Variants in NKAIN2 observed in about 807,000 individuals in gnomAD.
NKAIN2 encodes sodium/potassium transporting ATPase interacting 2, also known as sodium/potassium-transporting ATPase subunit beta-1-interacting protein 2.
Under a neutral mutation model 32.6 loss-of-function variants are expected in NKAIN2, and 14 were observed. The observed-to-expected ratio is 0.43, with a 90% CI of 0.28 to 0.67. The LOEUF (loss-of-function observed/expected upper bound fraction) is 0.67, where lower values mean the gene tolerates loss of function less well. Among genes scored for constraint, NKAIN2 ranks in the 30% least tolerant of loss-of-function variants. The pLI is 0.17. For missense variants in NKAIN2, 198 were observed against 258.3 expected (o/e 0.77, Z 1.60); for synonymous variants, 80 against 87.2 (o/e 0.92, Z 0.46).
intron 2 of NKAIN2, among the ~76,000 whole-genome samples, chr6:124,299,610 C>T (rs747537849): frequency 1.3e-5 from 2 of 152,024 alleles, no homozygotes; most frequent in South Asian, 2.1e-4. Context: ...AAAATAACAT[C>T]GTCATAGATA....
At chr6:123,837,291 C>T (rs1210685573) in intron 1 of NKAIN2, among the ~76,000 whole-genome samples, 1 of 151,930 alleles carries the variant, frequency 6.6e-6, no homozygotes, top group Non-Finnish European at 1.5e-5. Context: ...AGCAAACCTG[C>T]TATGTCAAAT....
At chr6:124,812,411 A>C (rs951581158) in intron 5 of NKAIN2, among the ~76,000 whole-genome samples, 1 of 152,202 alleles carries the variant, frequency 6.6e-6, no homozygotes, top group African/African-American at 2.4e-5. Flanking sequence ...TCCGTGAGCC[A>C]GACACTGTTC....
chr6:124,651,658 G>C (rs1278219359), intron 3 of NKAIN2, among the ~76,000 whole-genome samples: 1 of 152,110 alleles, frequency 6.6e-6, no homozygotes, highest in Non-Finnish European at 1.5e-5. Context: ...CTTGAATGTG[G>C]GGAACAGAGT....
intron 1 of NKAIN2, among the ~76,000 whole-genome samples, chr6:124,091,807 C>A (rs1022816562): frequency 1.3e-5 from 2 of 151,920 alleles, no homozygotes; most frequent in Non-Finnish European, 2.9e-5. Flanking sequence ...GCATTGAAGT[C>A]CACCTTTTCT....
chr6:124,783,683 TAATAA>T (rs1779374386), intron 4 of NKAIN2, among the ~76,000 whole-genome samples: 1 of 152,190 alleles, frequency 6.6e-6, no homozygotes. Context: ...CCAGCCCACA[TAATAA>T]AATACTTCAT....
intron 1 of NKAIN2, among the ~76,000 whole-genome samples, chr6:124,211,391 C>T (rs957054232): frequency 1.3e-5 from 2 of 151,918 alleles, no homozygotes; most frequent in African/African-American, 4.8e-5. Context: ...TCTCCTACCA[C>T]ATTGCTGTTT....
intron 3 of NKAIN2, among the ~76,000 whole-genome samples, chr6:124,470,546 A>C (rs1776930999): frequency 6.6e-6 from 1 of 152,112 alleles, no homozygotes; most frequent in Non-Finnish European, 1.5e-5. Context: ...GAATGTATTG[A>C]ACACACAGCA....
At chr6:124,576,152 T>A (rs1781326169) in intron 3 of NKAIN2, among the ~76,000 whole-genome samples, 1 of 152,188 alleles carries the variant, frequency 6.6e-6, no homozygotes, top group Non-Finnish European at 1.5e-5. Context: ...TTTTTATGAT[T>A]TCGAGTGACA....
At chr6:124,694,535 GA>G (rs1774404476) in intron 4 of NKAIN2, among the ~76,000 whole-genome samples, 1 of 152,144 alleles carries the variant, frequency 6.6e-6, no homozygotes, top group South Asian at 2.1e-4. Flanking sequence ...GACTTCCCTA[GA>G]AAGCATTTCT....
At chr6:123,907,270 A>G (rs899332591) in intron 1 of NKAIN2, among the ~76,000 whole-genome samples, 3 of 152,130 alleles carry the variant, frequency 2.0e-5, no homozygotes, top group South Asian at 2.1e-4. Flanking sequence ...AAGTTTTCCT[A>G]TATATTTTTT....
intron 3 of NKAIN2, among the ~76,000 whole-genome samples, chr6:124,413,262 C>T (rs1008712822): frequency 3.3e-5 from 5 of 152,264 alleles, no homozygotes; most frequent in Middle Eastern, 3.4e-3. Context: ...TCTTCTGCGT[C>T]GCTCTTTTTG....
chr6:124,349,702 T>C (rs1284150728), intron 2 of NKAIN2, among the ~76,000 whole-genome samples: 2 of 152,188 alleles, frequency 1.3e-5, no homozygotes, highest in Admixed American at 6.5e-5. Flanking sequence ...AATTATTGTA[T>C]AACCCATGAC....
chr6:124,778,960 G>A (rs1205337192), intron 4 of NKAIN2, among the ~76,000 whole-genome samples: 19 of 152,030 alleles, frequency 1.2e-4, no homozygotes. Flanking sequence ...GGAGCTCAAA[G>A]TGCATTCATA....
chr6:124,004,166 A>G (rs188149354), intron 1 of NKAIN2, among the ~76,000 whole-genome samples: 1 of 152,346 alleles, frequency 6.6e-6, no homozygotes, highest in African/African-American at 2.4e-5. Context: ...GGGAAAAAGT[A>G]TCTGAATGCT....
intron 1 of NKAIN2, among the ~76,000 whole-genome samples, chr6:124,058,592 C>T (rs1782778172): frequency 6.6e-6 from 1 of 151,998 alleles, no homozygotes; most frequent in Admixed American, 6.6e-5. Flanking sequence ...ATAAATGTTA[C>T]TTATAATAGT....
At chr6:123,982,690 G>T (rs1295689667) in intron 1 of NKAIN2, among the ~76,000 whole-genome samples, 1 of 151,854 alleles carries the variant, frequency 6.6e-6, no homozygotes, top group Non-Finnish European at 1.5e-5. Context: ...AGAGGTGACT[G>T]TTACTGCAAA....
At chr6:124,767,909 A>T (rs1348264225) in intron 4 of NKAIN2, among the ~76,000 whole-genome samples, 1 of 152,174 alleles carries the variant, frequency 6.6e-6, no homozygotes, top group East Asian at 1.9e-4. Flanking sequence ...ATATTTCAGC[A>T]CATGATGCTA....
At chr6:124,209,256 A>G (rs1008311835) in intron 1 of NKAIN2, among the ~76,000 whole-genome samples, 3 of 151,842 alleles carry the variant, frequency 2.0e-5, no homozygotes, top group Non-Finnish European at 4.4e-5. Flanking sequence ...TTCACTTAAC[A>G]TAATGTCCCC....
intron 3 of NKAIN2, among the ~76,000 whole-genome samples, chr6:124,506,363 T>C (rs1269414564): frequency 6.6e-6 from 1 of 152,192 alleles, no homozygotes; most frequent in Non-Finnish European, 1.5e-5. Flanking sequence ...TAGTGTTCTA[T>C]GAAGCATTGC....
Sources: allele counts gnomAD v4.1 joint callset (sites outside exome capture counted in the v4.1 genomes callset), GRCh38; gene constraint gnomAD v4.1.1; transcripts MANE v1.5; gene names NCBI Gene and HGNC (gene_info 2026-07-23, HGNC 2026-07-21).